The following CHCHD6 variants were observed in gnomAD, a reference collection of about 807,000 sequenced individuals.
The protein encoded by CHCHD6 is coiled-coil-helix-coiled-coil-helix domain containing 6.
CHCHD6 carries 28 observed loss-of-function variants against 32.3 expected under a neutral mutation model. The observed-to-expected ratio is 0.87, with a 90% CI of 0.64 to 1.19. The LOEUF is 1.19. Among genes scored for constraint, CHCHD6 ranks in the 50% most tolerant of loss-of-function variants. CHCHD6 has a pLI of 0.00. For synonymous variants in CHCHD6, 122 were observed against 117.5 expected, an observed-to-expected ratio of 1.04 and a Z score of -0.25; for missense variants, 333 against 307.0, an observed-to-expected ratio of 1.08 and a Z score of -0.63.
chr3:126,848,916 T>C (rs1481616950), intron 4 of CHCHD6, among the ~76,000 whole-genome samples: 1 of 152,208 alleles, frequency 6.6e-6, no homozygotes, highest in Admixed American at 6.5e-5. Context: ...AGTTTATAGG[T>C]TCATTTGGAG....
rs72976799 is a variant in CHCHD6, at chr3:126,716,070, C to T, written c.88-11008C>T. On this transcript the variant is annotated intron_variant, in intron 1 of 7. Coordinates refer to ENST00000290913, the MANE Select transcript of CHCHD6 (RefSeq NM_032343.3). ...GTGGTTTCCCTGCTACCAGCCCCTT[C>T]GTGATTTCAGTCCCTCCTCCTGCTT... Among the ~76,000 whole-genome samples the T allele has an allele frequency of 6.6e-3, 1,011 of 152,304 alleles. 7 individuals are homozygous for T. The highest frequency in any genetic ancestry group is 0.023 in the African/African-American group (964 of 41,568).
In CHCHD6 at chr3:126,705,984, A is replaced by G. The variant is rs374357831; in HGVS notation, c.87+1585A>G. 3.9e-5 allele frequency among the ~76,000 whole-genome samples: 6 copies of G among 152,140 alleles called. No homozygotes were observed. The East Asian group carries it at 9.6e-4, about 24-fold the overall frequency. ...ATTTGGTGCTTGCTAGGCGTTGTATAGTTTTGTGGACCTCACTCGTGGCAA... is the reference window on the plus strand; with the variant it reads ...ATTTGGTGCTTGCTAGGCGTTGTATGGTTTTGTGGACCTCACTCGTGGCAA... On this transcript the variant is annotated intron_variant, in intron 1 of 7. Transcript: ENST00000290913.
chr3:126,836,524 C>T (rs1940869542), intron 4 of CHCHD6, among the ~76,000 whole-genome samples: 5 of 152,210 alleles, frequency 3.3e-5, no homozygotes, highest in Admixed American at 2.6e-4. Context: ...GTTCATCTGT[C>T]CATCCCTTCC....
At chr3:126,954,512 C>T (rs1263560656) in intron 6 of CHCHD6, among the ~76,000 whole-genome samples, 1 of 152,062 alleles carries the variant, frequency 6.6e-6, no homozygotes, top group African/African-American at 2.4e-5. Flanking sequence ...ACTTAGCCTC[C>T]GCCTGTCCTG....
At chr3:126,808,403 G>A (rs75160919) in intron 4 of CHCHD6, among the ~76,000 whole-genome samples, 3,632 of 152,184 alleles carry the variant, frequency 0.024, 108 homozygotes, top group East Asian at 0.14. Flanking sequence ...CTAGGTGATG[G>A]GGATCATCGG....
intron 3 of CHCHD6, among the ~76,000 whole-genome samples, chr3:126,732,311 G>C (rs1054094863): frequency 3.3e-5 from 5 of 152,024 alleles, no homozygotes; most frequent in African/African-American, 1.2e-4. Context: ...CCCGTTTAGG[G>C]TTATTTTTTG....
chr3:126,957,634 C>T (rs1345587833), intron 7 of CHCHD6, 83 bp downstream of exon 7: 8 of 1,457,386 alleles, frequency 5.5e-6, no homozygotes, highest in Non-Finnish European at 9.3e-7. Flanking sequence ...AGATCTCTGC[C>T]TGCCTTTTCC....
intron 4 of CHCHD6, among the ~76,000 whole-genome samples, chr3:126,805,220 G>T (rs1472059137): frequency 6.6e-6 from 1 of 152,168 alleles, no homozygotes; most frequent in African/African-American, 2.4e-5. Flanking sequence ...GCAAGAGAAG[G>T]AAATAAAGGG....
At chr3:126,928,283 C>T (rs1296028649) in intron 6 of CHCHD6, among the ~76,000 whole-genome samples, 2 of 152,166 alleles carry the variant, frequency 1.3e-5, no homozygotes, top group African/African-American at 4.8e-5. Flanking sequence ...CTTACCAGAC[C>T]TTGAAGTTTA....
intron 4 of CHCHD6, among the ~76,000 whole-genome samples, chr3:126,741,168 G>A (rs971142998): frequency 2.6e-5 from 4 of 152,182 alleles, no homozygotes; most frequent in Admixed American, 1.3e-4. Context: ...GTGTTCAGAC[G>A]GCCTCCATCA....
chr3:126,876,365 G>A (rs1258187651), intron 5 of CHCHD6, among the ~76,000 whole-genome samples: 1 of 152,238 alleles, frequency 6.6e-6, no homozygotes, highest in East Asian at 1.9e-4. Context: ...AGTCTGGTGA[G>A]AAGAAACGGG....
At chr3:126,864,424 C>T (rs1942153636) in intron 5 of CHCHD6, among the ~76,000 whole-genome samples, 1 of 145,670 alleles carries the variant, frequency 6.9e-6, no homozygotes, top group Non-Finnish European at 1.5e-5. Flanking sequence ...CTTCCTGCTC[C>T]TCCTCCACCA....
intron 6 of CHCHD6, among the ~76,000 whole-genome samples, chr3:126,946,195 G>T: frequency 6.6e-6 from 1 of 152,146 alleles, no homozygotes; most frequent in East Asian, 1.9e-4. Flanking sequence ...GCTGGAAGTC[G>T]TCATCCCCCA....
chr3:126,763,267 C>CCTCCCCTCCCTTTCCCTCTT (rs1402222920), intron 4 of CHCHD6, among the ~76,000 whole-genome samples: 23 of 148,700 alleles, frequency 1.5e-4, no homozygotes, highest in African/African-American at 5.7e-4. Context: ...CTTTCCTTCC[C>CCTCCCCTCCCTTTCCCTCTT]CTCCCCTCCC....
intron 4 of CHCHD6, among the ~76,000 whole-genome samples, chr3:126,760,273 G>C (rs370560192): frequency 6.6e-6 from 1 of 152,090 alleles, no homozygotes; most frequent in Non-Finnish European, 1.5e-5. Flanking sequence ...CCAGCCTTTC[G>C]TCCAACAATT....
chr3:126,908,167 C>T (rs2078032667), intron 5 of CHCHD6, among the ~76,000 whole-genome samples: 1 of 152,202 alleles, frequency 6.6e-6, no homozygotes, highest in Non-Finnish European at 1.5e-5. Flanking sequence ...GTTTTGAATA[C>T]ATTGCTGGTG....
intron 6 of CHCHD6, among the ~76,000 whole-genome samples, chr3:126,951,915 G>A (rs1033946494): frequency 6.6e-6 from 1 of 152,232 alleles, no homozygotes; most frequent in Non-Finnish European, 1.5e-5. Context: ...TTCAAATGGT[G>A]AACTTGAGCA....
intron 6 of CHCHD6, among the ~76,000 whole-genome samples, chr3:126,945,166 G>A (rs1168626405): frequency 1.3e-5 from 2 of 152,078 alleles, no homozygotes; most frequent in Non-Finnish European, 1.5e-5. Context: ...AGCAGGCACG[G>A]GCGGCTCTTG....
intron 4 of CHCHD6, among the ~76,000 whole-genome samples, chr3:126,809,991 A>G (rs572211966): frequency 2.6e-5 from 4 of 152,340 alleles, no homozygotes; most frequent in African/African-American, 7.2e-5. Context: ...ATTGAAATCC[A>G]TGCATAGTTT....
Sources: allele counts gnomAD v4.1 joint callset (sites outside exome capture counted in the v4.1 genomes callset), GRCh38; gene constraint gnomAD v4.1.1; transcripts MANE v1.5; gene names NCBI Gene and HGNC (gene_info 2026-07-23, HGNC 2026-07-21).